The following NCAPH variants were observed in gnomAD, a reference collection of about 807,000 sequenced individuals.
NCAPH encodes the protein non-SMC condensin I complex subunit H, also known as condensin complex subunit 2.
Under a neutral mutation model 85.5 loss-of-function variants are expected in NCAPH, and 38 were observed. The observed-to-expected ratio is 0.44, with a 90% CI of 0.34 to 0.58. NCAPH has a LOEUF of 0.58. Ranked by LOEUF, NCAPH falls within the 20% of genes least tolerant of loss-of-function variation. The pLI is 0.01. For missense variants in NCAPH, 789 were observed against 916.6 expected (o/e 0.86, Z 1.80); for synonymous variants, 301 against 335.1 (o/e 0.90, Z 1.11).
chr2:96,361,387 C>T (rs1420897265), intron 12 of NCAPH, among the ~76,000 whole-genome samples: 1 of 151,958 alleles, frequency 6.6e-6, no homozygotes, highest in Non-Finnish European at 1.5e-5. Context: ...TGGATTTACT[C>T]ACCAATTGCT....
Position 96,373,354 on chromosome 2 carries a change from T to G in NCAPH, c.*3T>G, listed in dbSNP as rs982384269. The G allele has an allele frequency of 3.5e-5, 57 of 1,613,268 alleles. No homozygotes were observed. The highest frequency in any genetic ancestry group is 4.7e-5 in the Non-Finnish European group (55 of 1,179,576). On this transcript the variant is annotated 3_prime_UTR_variant, in exon 18 of 18. Transcript: ENST00000240423. ...TTCTTGTGAGGCAAGGAGATTGAGTTCACTATGGAGAAGTCAGCAGCAGGA... is the reference window on the plus strand; with the variant it reads ...TTCTTGTGAGGCAAGGAGATTGAGTGCACTATGGAGAAGTCAGCAGCAGGA...
Position 96,373,475 on chromosome 2 carries a change from CTGTT to C in NCAPH, c.*133_*136del, listed in dbSNP as rs2064799802. On this transcript the variant is annotated 3_prime_UTR_variant, in exon 18 of 18. Coordinates refer to ENST00000240423, the MANE Select transcript of NCAPH (RefSeq NM_015341.5). Reference sequence around the variant, plus strand: ...AGGCTGTAGCCAACTACCAACGTGCCTGTTTGTTTGTTGCTCTTTCCTTCTCTCC... The same window carrying C: ...AGGCTGTAGCCAACTACCAACGTGCCTGTTTGTTGCTCTTTCCTTCTCTCC... The C allele has an allele frequency of 1.1e-6, 1 of 884,478 alleles. No homozygotes were observed. The highest frequency in any genetic ancestry group is 1.8e-6 in the Non-Finnish European group (1 of 550,490). The allele number at this position is 884,478 out of a possible 1,614,324, so 54.8% of individuals were successfully genotyped here.
Position 96,353,363 on chromosome 2 carries a change from A to AC in NCAPH, c.968_969insC (p.Gln323HisfsTer8). On this transcript the variant is annotated frameshift_variant, in exon 8 of 18. Transcript: ENST00000240423. LOFTEE classifies it high-confidence loss of function. ...ATCTGCCCTTCCCTGGCCGGGTTCCAGTTTACACAGTGGGACAGTGAAACA... is the reference window on the plus strand; with the variant it reads ...ATCTGCCCTTCCCTGGCCGGGTTCCACGTTTACACAGTGGGACAGTGAAACA... 1 of 1,614,236 alleles carries AC rather than the reference A, an allele frequency of 6.2e-7. No individual in the cohort carries two copies. The highest frequency in any genetic ancestry group is 8.5e-7 in the Non-Finnish European group (1 of 1,180,034).
At position 96,335,769 on chromosome 2, in the gene NCAPH, A is replaced by T. The variant is rs1434720030; in HGVS notation, c.-61A>T. The T allele has an allele frequency of 1.0e-5, 15 of 1,449,968 alleles. No individual in the cohort carries two copies. Among genetic ancestry groups the T allele is most frequent in the African/African-American group, 3.0e-5 (2 of 66,712 alleles). The allele number at this position is 1,449,968 out of a possible 1,614,324, so 89.8% of individuals were successfully genotyped here. The stretch of plus-strand genomic sequence containing the variant: ...CCGCCGGCGACGTCACGCGGCCGTT[A>T]CGGCGCTCAGGCGTCTCGACGCGCG... On this transcript the variant is annotated 5_prime_UTR_variant, in exon 1 of 18. Coordinates refer to ENST00000240423, the MANE Select transcript of NCAPH (RefSeq NM_015341.5).
chr2:96,368,151 T>C (rs555659065), intron 15 of NCAPH, among the ~76,000 whole-genome samples: 1 of 152,332 alleles, frequency 6.6e-6, no homozygotes, highest in East Asian at 1.9e-4. Flanking sequence ...AGTTTAGACC[T>C]TCTGTAGCTG....
At chr2:96,353,207 C>T in intron 7 of NCAPH, 99 bp from the exon 8 acceptor site, 1 of 920,788 alleles carries the variant, frequency 1.1e-6, no homozygotes. Context: ...GGTAACTGTG[C>T]CTCTCATCTC....
In NCAPH at chr2:96,359,154, G is replaced by T; in HGVS notation, c.1318G>T (p.Ala440Ser). The T allele has an allele frequency of 6.2e-7, 1 of 1,614,206 alleles. No homozygotes were observed. The highest frequency in any genetic ancestry group is 1.1e-5 in the South Asian group (1 of 91,080). ...YFSPRTMSMW[A>S]GPDHWRFRPR... The stretch of plus-strand genomic sequence containing the variant: ...CAGTCCTCGGACCATGTCGATGTGG[G>T]CTGGCCCGGATCACTGGCGCTTTAG... Residue 440 changes from alanine (A) to serine (S), a missense_variant, in exon 10 of 18, where the codon GCT becomes TCT. Coordinates refer to ENST00000240423, the MANE Select transcript of NCAPH (RefSeq NM_015341.5).
chr2:96,358,614 G>A (rs1379736653), intron 9 of NCAPH, among the ~76,000 whole-genome samples: 2 of 152,170 alleles, frequency 1.3e-5, no homozygotes, highest in African/African-American at 4.8e-5. Flanking sequence ...GACTACAGGC[G>A]CCCGCCACCA....
At chr2:96,350,123 C>T (rs2064419268) in intron 6 of NCAPH, among the ~76,000 whole-genome samples, 3 of 152,222 alleles carry the variant, frequency 2.0e-5, no homozygotes, top group Admixed American at 2.0e-4. Flanking sequence ...TGAACTTTAT[C>T]ATTCAGTCTA....
chr2:96,369,360 C>A, intron 16 of NCAPH, 65 bp from the exon 17 acceptor site: 1 of 1,362,908 alleles, frequency 7.3e-7, no homozygotes, highest in Non-Finnish European at 1.1e-6. Context: ...ATTATTCATA[C>A]TTGATGAACG....
At chr2:96,361,818 ATATATATATATT>A (rs1375285165) in intron 12 of NCAPH, among the ~76,000 whole-genome samples, 10 of 107,300 alleles carry the variant, frequency 9.3e-5, no homozygotes, top group East Asian at 2.6e-4. Flanking sequence ...ATATATATAT[ATATATATATATT>A]TTTTTTTTTT....
At chr2:96,369,564 T>C (rs1275132075) in intron 17 of NCAPH, 64 bp downstream of exon 17, 1 of 1,494,758 alleles carries the variant, frequency 6.7e-7, no homozygotes, top group East Asian at 2.3e-5. Flanking sequence ...CTCATTTAGC[T>C]TTGTATTTGA....
chr2:96,365,623 G>T (rs1468633735), intron 13 of NCAPH, among the ~76,000 whole-genome samples: 2 of 152,188 alleles, frequency 1.3e-5, no homozygotes, highest in Non-Finnish European at 2.9e-5. Context: ...GGGGGACATA[G>T]TGGCAATTAT....
rs1194541332 is a variant in NCAPH at position 96,367,518 on chromosome 2, C to T, written c.1998+145C>T. ...ATACAAGGAGCTGGGCATGGTGGCT[C>T]ACACGTGTAATCCCAGCATTTTGGG... is the stretch of plus-strand genomic sequence containing the variant. On this transcript the variant is annotated intron_variant, in intron 15 of 17. Coordinates refer to ENST00000240423, the MANE Select transcript of NCAPH (RefSeq NM_015341.5). 2.5e-4 allele frequency: 145 copies of T among 579,344 alleles called. 5 individuals are homozygous for T. In the South Asian group the frequency reaches 2.7e-3, roughly 11 times the overall value. The allele number at this position is 579,344 out of a possible 1,614,324, so 35.9% of individuals were successfully genotyped here. A position where few individuals can be genotyped will look rare whatever the true frequency, so the allele number is the denominator to read the frequency against.
rs78300305 is a variant in NCAPH at position 96,375,543 on chromosome 2, G to C, written c.*2192G>C. 1.3e-3 allele frequency among the ~76,000 whole-genome samples: 195 copies of C among 152,322 alleles called. 4 individuals carry two copies. In the East Asian group the frequency reaches 0.031, roughly 24 times the overall value. ...TGAGCAAGGAGCCCCTCACCAGACA[G>C]CAAATCTGCCGGCGTCTTGATCTTG... On this transcript the variant is annotated 3_prime_UTR_variant, in exon 18 of 18. Coordinates refer to ENST00000240423, the MANE Select transcript of NCAPH (RefSeq NM_015341.5).
chr2:96,361,150 G>A (rs984745318), intron 12 of NCAPH, among the ~76,000 whole-genome samples: 23 of 142,026 alleles, frequency 1.6e-4, no homozygotes, highest in Non-Finnish European at 3.0e-4. Flanking sequence ...CTGGGTTCAA[G>A]CAATTCTCCT....
rs1371780637 is a variant in NCAPH at position 96,360,623 on chromosome 2, C to T, written c.1500C>T (p.Asn500=). The part of the protein sequence containing the change: ...ATILTKSTLE[N]QNWRATTLPT... ...TTCTGACCAAGTCCACTTTGGAGAA[C>T]CAGAATTGGAGAGCTACCACCCTTC... is the stretch of plus-strand genomic sequence containing the variant. Residue 500 remains asparagine (N), a synonymous_variant, in exon 12 of 18, where the codon AAC becomes AAT. Transcript: ENST00000240423. 1.2e-6 allele frequency: 2 copies of T among 1,614,062 alleles called. No individual in the cohort carries two copies. Among genetic ancestry groups the T allele is most frequent in the East Asian group, 2.2e-5 (1 of 44,886 alleles).
chr2:96,361,828 A>ATTTT (rs67427447), intron 12 of NCAPH, among the ~76,000 whole-genome samples: 4 of 108,018 alleles, frequency 3.7e-5, no homozygotes, highest in Non-Finnish European at 7.0e-5. Context: ...ATATATATAT[A>ATTTT]TTTTTTTTTT....
At chr2:96,350,568 G>A (rs761768801) in intron 6 of NCAPH, among the ~76,000 whole-genome samples, 4 of 152,178 alleles carry the variant, frequency 2.6e-5, no homozygotes, top group Non-Finnish European at 4.4e-5. Context: ...CTGGCTCTGG[G>A]GATGGAAAGA....
Sources: gnomAD v4.1 joint callset for allele counts (sites outside exome capture counted in the v4.1 genomes callset) on GRCh38, gnomAD v4.1.1 for gene constraint, MANE v1.5 for transcripts, NCBI Gene and HGNC (gene_info 2026-07-23, HGNC 2026-07-21) for gene names.